The following DOK7 variants were observed in gnomAD, a reference collection of about 807,000 sequenced individuals.
The protein encoded by DOK7 is protein Dok-7.
DOK7 carries 32 observed loss-of-function variants against 30.7 expected under a neutral mutation model. The ratio of observed to expected loss-of-function variants is 1.04; its 90% CI spans 0.79 to 1.40. DOK7 has a LOEUF of 1.40. DOK7 is among the 40% of genes most tolerant of loss of function. DOK7 has a pLI of 0.00. For synonymous variants in DOK7, 447 were observed against 324.1 expected, an observed-to-expected ratio of 1.38 and a Z score of -4.07; for missense variants, 1,007 against 699.2, an observed-to-expected ratio of 1.44 and a Z score of -4.97.
At chr4:3,473,226 G>C (rs1384256721) in intron 2 of DOK7, among the ~76,000 whole-genome samples, 180 bp from the exon 3 acceptor site, 2 of 152,260 alleles carry the variant, frequency 1.3e-5, no homozygotes, top group African/African-American at 4.8e-5. Context: ...TGTGGGTCTT[G>C]CAAGGGGAGG....
chr4:3,476,064 C>A (rs1186031807), intron 3 of DOK7, among the ~76,000 whole-genome samples: 1 of 152,012 alleles, frequency 6.6e-6, no homozygotes, highest in African/African-American at 2.4e-5. Flanking sequence ...GCCCCTGCCC[C>A]TGCTGCCTCC....
intron 2 of DOK7, among the ~76,000 whole-genome samples, chr4:3,472,565 C>G (rs1406484314): frequency 6.6e-6 from 1 of 152,246 alleles, no homozygotes; most frequent in African/African-American, 2.4e-5. Flanking sequence ...TCAGGCAGAC[C>G]TGCTGCCCCC....
chr4:3,491,990 C>T (rs1728496976), intron 6 of DOK7, among the ~76,000 whole-genome samples: 1 of 152,244 alleles, frequency 6.6e-6, no homozygotes, highest in Admixed American at 6.5e-5. Context: ...ATCTCCCCTC[C>T]TGCCCTGCCC....
chr4:3,486,296 G>A (rs1727786680), intron 5 of DOK7, among the ~76,000 whole-genome samples: 1 of 152,246 alleles, frequency 6.6e-6, no homozygotes. Flanking sequence ...TCCCCAGGTC[G>A]GGGCGGGTGC....
chr4:3,486,330 C>G (rs1019348962), intron 5 of DOK7, among the ~76,000 whole-genome samples: 2 of 152,246 alleles, frequency 1.3e-5, no homozygotes, highest in Non-Finnish European at 2.9e-5. Flanking sequence ...TCCATGGGCT[C>G]TCTCAAATGC....
intron 6 of DOK7, among the ~76,000 whole-genome samples, chr4:3,490,710 T>C: frequency 1.2e-5 from 1 of 83,916 alleles, no homozygotes; most frequent in Admixed American, 1.6e-4. Context: ...CCTCATGCAT[T>C]CCTTCATTTC....
At chr4:3,476,686 C>G (rs1451827795) in intron 4 of DOK7, 144 bp downstream of exon 4, 2 of 1,089,884 alleles carry the variant, frequency 1.8e-6, no homozygotes, top group Non-Finnish European at 2.7e-6. Flanking sequence ...CGGAGTCTCC[C>G]CACGCTCGAT....
At chr4:3,491,407 C>CTCA (rs1553849541) in intron 6 of DOK7, among the ~76,000 whole-genome samples, 2 of 117,770 alleles carry the variant, frequency 1.7e-5, no homozygotes, top group Non-Finnish European at 1.8e-5. Context: ...CTCACCCCAG[C>CTCA]TTCCTTCTTT....
intron 4 of DOK7, among the ~76,000 whole-genome samples, chr4:3,480,478 G>A (rs1007071358): frequency 9.9e-5 from 15 of 152,238 alleles, no homozygotes; most frequent in Admixed American, 9.8e-4. Context: ...TGTGGTAGCA[G>A]GTGCCTGTAA....
chr4:3,490,109 C>CT (rs1193214181), intron 6 of DOK7, among the ~76,000 whole-genome samples: 3 of 61,246 alleles, frequency 4.9e-5, no homozygotes, highest in Non-Finnish European at 6.8e-5. Flanking sequence ...TTTCTTCACC[C>CT]CCATTCATTC....
rs1729127798 is a variant in DOK7, at chr4:3,500,322, AACATCCCC to A, written c.1181_1188del (p.Asn394SerfsTer139). The A allele has an allele frequency of 6.5e-7, 1 of 1,535,780 alleles. No individual in the cohort carries two copies. Among genetic ancestry groups the A allele is most frequent in the Admixed American group, 2.0e-5 (1 of 50,964 alleles). On this transcript the variant is annotated frameshift_variant, in exon 7 of 8. Coordinates refer to the DOK7 transcript ENST00000643608. LOFTEE classifies it high-confidence loss of function. ...GCGCGGCGAGTCGCCCACTTACGTG[AACATCCCC>A]GTCAGCCCATCCTCCAGAAAGCAGC...
Position 3,492,765 on chromosome 4 carries a change from A to T in DOK7, c.779A>T (p.Asp260Val). 1.2e-6 allele frequency: 2 copies of T among 1,612,552 alleles called. No individual in the cohort carries two copies. The highest frequency in any genetic ancestry group is 1.7e-6 in the Non-Finnish European group (2 of 1,179,976). Residue 260 changes from aspartate to valine, a missense_variant, in exon 7 of 7, where the codon GAC becomes GTC. By Grantham distance (152) the Asp-to-Val change is radical. Transcript: ENST00000340083. ...GCTTCCTGCTCTGTCTCAGGGGATG[A>T]CCGCAGCCTGTCCAGCTCATCCTCA... ...HAGRPGSGGD[D>V]RSLSSSSSEA...
intron 7 of DOK7, chr4:3,500,599 C>T (rs575374043): frequency 3.3e-4 from 501 of 1,526,466 alleles, no homozygotes; most frequent in Admixed American, 9.8e-4. Flanking sequence ...CAGATGCTTC[C>T]GAGGGCCTGG....
At chr4:3,498,160 C>T (rs919950704), downstream of DOK7, among the ~76,000 whole-genome samples, 10 of 152,160 alleles carry the variant, frequency 6.6e-5, no homozygotes, top group East Asian at 9.6e-4. Flanking sequence ...AAGGGCCAGC[C>T]GATTCCCGGT....
chr4:3,486,101 T>C (rs1274224933), intron 5 of DOK7, among the ~76,000 whole-genome samples: 1 of 152,212 alleles, frequency 6.6e-6, no homozygotes, highest in Non-Finnish European at 1.5e-5. Flanking sequence ...GAGCCCGGTG[T>C]TTAGGCCCAA....
At chr4:3,490,254 G>GTCTTCACCCC (rs1728180297) in intron 6 of DOK7, among the ~76,000 whole-genome samples, 2 of 91,302 alleles carry the variant, frequency 2.2e-5, no homozygotes, top group Admixed American at 1.5e-4. Flanking sequence ...TTTTCTCCCT[G>GTCTTCACCCC]CTCATTCATT....
At chr4:3,477,270 T>C (rs1472163242) in intron 4 of DOK7, among the ~76,000 whole-genome samples, 2 of 152,200 alleles carry the variant, frequency 1.3e-5, no homozygotes, top group Non-Finnish European at 2.9e-5. Flanking sequence ...CCTCCTCTCT[T>C]CTCTCTGGAG....
rs575523988 is a variant in DOK7, at chr4:3,482,578, G to A, written c.533-2961G>A. Among the ~76,000 whole-genome samples the A allele has an allele frequency of 5.9e-5, 9 of 152,394 alleles. No homozygotes were observed. In the South Asian group the frequency reaches 1.9e-3, roughly 32 times the overall value. ...TCGATTCCAGGGAGGGAGTGGACCAGCCTCTGGAGAAGGAGCGGCCTCTGA... is the reference window on the plus strand; with the variant it reads ...TCGATTCCAGGGAGGGAGTGGACCAACCTCTGGAGAAGGAGCGGCCTCTGA... On this transcript the variant is annotated intron_variant, in intron 4 of 6. Coordinates refer to ENST00000340083, the MANE Select transcript of DOK7 (RefSeq NM_173660.5).
downstream of DOK7, among the ~76,000 whole-genome samples, chr4:3,495,095 C>T (rs1362543914): frequency 1.3e-5 from 2 of 152,136 alleles, no homozygotes; most frequent in Non-Finnish European, 2.9e-5. Context: ...CTGGGTGACC[C>T]TACAAGCCCC....
Sources: gnomAD v4.1 joint callset for allele counts (sites outside exome capture counted in the v4.1 genomes callset) on GRCh38, gnomAD v4.1.1 for gene constraint, MANE v1.5 for transcripts, NCBI Gene and HGNC (gene_info 2026-07-23, HGNC 2026-07-21) for gene names.